The following AMPH variants were observed in gnomAD, a reference collection of about 807,000 sequenced individuals.
AMPH encodes amphiphysin.
A neutral mutation model predicts 99.1 loss-of-function variants in AMPH; 49 were observed. The observed-to-expected ratio is 0.49, with a 90% CI of 0.39 to 0.63. The LOEUF (loss-of-function observed/expected upper bound fraction) is 0.63. AMPH is among the 20% of genes least tolerant of loss of function. The pLI is 0.00. For synonymous variants in AMPH, 314 were observed against 317.3 expected, an observed-to-expected ratio of 0.99 and a Z score of 0.11; for missense variants, 759 against 863.4, an observed-to-expected ratio of 0.88 and a Z score of 1.52.
At chr7:38,494,903 T>A (rs954799965) in intron 3 of AMPH, among the ~76,000 whole-genome samples, 1 of 152,110 alleles carries the variant, frequency 6.6e-6, no homozygotes, top group Non-Finnish European at 1.5e-5. Context: ...CTAAAATTAG[T>A]CCTAAATGAA....
intron 11 of AMPH, among the ~76,000 whole-genome samples, chr7:38,439,195 G>A (rs1786408998): frequency 6.6e-6 from 1 of 152,158 alleles, no homozygotes; most frequent in East Asian, 1.9e-4. Context: ...TAGTCATGTG[G>A]AACTGTGAGT....
intron 1 of AMPH, among the ~76,000 whole-genome samples, chr7:38,622,376 A>G (rs1318247004): frequency 1.3e-5 from 2 of 152,120 alleles, no homozygotes; most frequent in South Asian, 2.1e-4. Flanking sequence ...GTACTTCACA[A>G]TATTTCCTGT....
intron 3 of AMPH, among the ~76,000 whole-genome samples, chr7:38,500,535 A>T (rs1480875667): frequency 6.6e-6 from 1 of 152,186 alleles, no homozygotes; most frequent in Non-Finnish European, 1.5e-5. Context: ...CATTAAGGAA[A>T]AGAATTATGC....
chr7:38,429,993 T>C (rs1785942244), intron 13 of AMPH, 128 bp from the exon 14 acceptor site: 1 of 862,314 alleles, frequency 1.2e-6, no homozygotes, highest in Non-Finnish European at 1.7e-6. Context: ...GGAACAAATT[T>C]TACAACTTGT....
intron 5 of AMPH, among the ~76,000 whole-genome samples, chr7:38,480,703 AC>A (rs1352457103): frequency 2.6e-5 from 4 of 152,222 alleles, no homozygotes; most frequent in African/African-American, 7.2e-5. Flanking sequence ...TAGAGTGGAA[AC>A]CCTTCAATTA....
chr7:38,607,933 G>C (rs1444885168), intron 1 of AMPH, among the ~76,000 whole-genome samples: 2 of 152,174 alleles, frequency 1.3e-5, no homozygotes, highest in Non-Finnish European at 2.9e-5. Context: ...GCTGATATAA[G>C]TCAGTGATTT....
At position 38,436,406 on chromosome 7, in the gene AMPH, A is replaced by C; in HGVS notation, c.1018-18T>G. The stretch of plus-strand genomic sequence containing the variant: ...ACTTCATTCTGTTAAAGCAAACAAC[A>C]AAACAAAATAAAACATGTATTAGCT... On this transcript the variant is annotated intron_variant, in intron 11 of 20. Transcript: ENST00000356264. The C allele has an allele frequency of 6.5e-7, 1 of 1,543,290 alleles. No individual in the cohort carries two copies. The highest frequency in any genetic ancestry group is 9.0e-7 in the Non-Finnish European group (1 of 1,115,664).
At chr7:38,430,768 G>A (rs3807426) in intron 13 of AMPH, among the ~76,000 whole-genome samples, 184 of 152,224 alleles carry the variant, frequency 1.2e-3, no homozygotes, top group Non-Finnish European at 2.4e-3. Context: ...ATATAACTTA[G>A]TCATTGGTGG....
chr7:38,543,896 A>C (rs553501260), intron 1 of AMPH, among the ~76,000 whole-genome samples: 2 of 152,356 alleles, frequency 1.3e-5, no homozygotes, highest in Admixed American at 1.3e-4. Flanking sequence ...CTGTTAAAGA[A>C]AAAAAGGAAG....
chr7:38,523,719 A>T (rs1790059376), intron 2 of AMPH, among the ~76,000 whole-genome samples: 1 of 152,176 alleles, frequency 6.6e-6, no homozygotes, highest in African/African-American at 2.4e-5. Context: ...ATACTCAAAA[A>T]TTTTACCACT....
chr7:38,433,441 C>G (rs1159752640), intron 12 of AMPH, among the ~76,000 whole-genome samples: 1 of 152,162 alleles, frequency 6.6e-6, no homozygotes, highest in East Asian at 1.9e-4. Context: ...AATCAAAGAT[C>G]ATGGCCGGGC....
chr7:38,616,156 G>A (rs900731392), intron 1 of AMPH, among the ~76,000 whole-genome samples: 2 of 152,164 alleles, frequency 1.3e-5, no homozygotes, highest in Admixed American at 6.5e-5. Context: ...GCACAAGCAA[G>A]TCGTAGTCTG....
At chr7:38,546,806 C>T (rs1791011498) in intron 1 of AMPH, among the ~76,000 whole-genome samples, 1 of 152,208 alleles carries the variant, frequency 6.6e-6, no homozygotes. Context: ...ATTTCGCTAG[C>T]TATTTACACC....
chr7:38,503,557 A>G, intron 3 of AMPH, 93 bp downstream of exon 3: 2 of 1,338,212 alleles, frequency 1.5e-6, no homozygotes, highest in Non-Finnish European at 2.1e-6. Flanking sequence ...AGGAAGCCAA[A>G]TGGCTTTGTA....
At chr7:38,398,040 C>A (rs1217011089) in intron 17 of AMPH, among the ~76,000 whole-genome samples, 1 of 150,966 alleles carries the variant, frequency 6.6e-6, no homozygotes, top group Non-Finnish European at 1.5e-5. Flanking sequence ...AAAAAAGAAA[C>A]CTCATATACT....
At chr7:38,417,704 C>G in intron 17 of AMPH, 121 bp downstream of exon 17, 2 of 1,315,984 alleles carry the variant, frequency 1.5e-6, no homozygotes, top group Non-Finnish European at 2.1e-6. Context: ...CTGGGAGCTA[C>G]GACAGATATG....
intron 17 of AMPH, among the ~76,000 whole-genome samples, chr7:38,408,118 G>A (rs1785104333): frequency 6.6e-6 from 1 of 152,150 alleles, no homozygotes; most frequent in Non-Finnish European, 1.5e-5. Context: ...GAAACAGTTT[G>A]TCTAACTCTA....
chr7:38,427,181 AAAAG>A (rs542219704), intron 14 of AMPH, among the ~76,000 whole-genome samples, 195 bp from the exon 15 acceptor site: 318 of 152,022 alleles, frequency 2.1e-3, no homozygotes, highest in African/African-American at 7.2e-3. Context: ...GACAAAAAAA[AAAAG>A]AAAGGTTAAT....
intron 1 of AMPH, among the ~76,000 whole-genome samples, chr7:38,595,758 A>G (rs2129059552): frequency 6.6e-6 from 1 of 152,256 alleles, no homozygotes; most frequent in East Asian, 1.9e-4. Context: ...TACTGCTCCC[A>G]TCTTCATGCC....
Sources: allele counts gnomAD v4.1 joint callset (sites outside exome capture counted in the v4.1 genomes callset), GRCh38; gene constraint gnomAD v4.1.1; transcripts MANE v1.5; gene names NCBI Gene and HGNC (gene_info 2026-07-23, HGNC 2026-07-21).